Variants in ZNF618 observed in about 807,000 individuals in gnomAD.
The protein encoded by ZNF618 is zinc finger protein 618.
In ZNF618, 34 loss-of-function variants were observed where a neutral mutation model predicts 103.0. The ratio of observed to expected loss-of-function variants is 0.33; its 90% CI spans 0.25 to 0.44. The LOEUF (loss-of-function observed/expected upper bound fraction) is 0.44, where lower values mean the gene tolerates loss of function less well. Among genes scored for constraint, ZNF618 ranks in the 20% least tolerant of loss-of-function variants. ZNF618 has a pLI of 1.00. For synonymous variants in ZNF618, 551 were observed against 542.2 expected (o/e 1.02, Z -0.23); for missense variants, 1,059 against 1,295.4 (o/e 0.82, Z 2.80).
In ZNF618 at chr9:114,049,425, A is replaced by G. The variant is rs1301551869; in HGVS notation, c.2123A>G (p.Tyr708Cys). 4.4e-6 allele frequency: 7 copies of G among 1,604,670 alleles called. No homozygotes were observed. The highest frequency in any genetic ancestry group is 6.0e-6 in the Non-Finnish European group (7 of 1,175,822). Residue 708 changes from tyrosine (Y) to cysteine (C), a missense_variant, in exon 15 of 15, where the codon TAT (tyrosine) becomes TGT (cysteine). This residue lies in a region of ZNF618 where 272 missense variants were observed against 380.1 expected (regional missense o/e 0.72). Transcript: ENST00000374126. Reference protein sequence around the residue: ...TDSLLLVHERYEQICEFYSRA... With the variant: ...TDSLLLVHERCEQICEFYSRA... ...TCACTGTTGCTGGTGCATGAGCGCT[A>G]TGAGCAGATCTGCGAGTTCTACAGC... is the stretch of plus-strand genomic sequence containing the variant.
intron 10 of ZNF618, among the ~76,000 whole-genome samples, chr9:114,022,135 A>G (rs1326723718): frequency 1.3e-5 from 2 of 152,106 alleles, no homozygotes; most frequent in Admixed American, 6.5e-5. Context: ...TGACTGGATC[A>G]TATGGTAGAT....
At chr9:113,934,356 G>A (rs941761709) in intron 1 of ZNF618, among the ~76,000 whole-genome samples, 8 of 152,138 alleles carry the variant, frequency 5.3e-5, no homozygotes, top group Non-Finnish European at 8.8e-5. Flanking sequence ...CCCAGGCCCA[G>A]CCTCAGGTCT....
chr9:113,907,223 C>T lies in ZNF618; in HGVS notation c.33+30810C>T, dbSNP rs147075317. On this transcript the variant is annotated intron_variant, in intron 1 of 14. Transcript: ENST00000374126. ...GGGGGCTGGGGATAGCCCATTGACA[C>T]CACTTAGGTTGTGGGGACCTGAAGG... Among the ~76,000 whole-genome samples, 19 of 152,336 alleles carry T rather than the reference C, an allele frequency of 1.2e-4. No homozygotes were observed. The East Asian group carries it at 3.5e-3, about 28-fold the overall frequency.
At chr9:113,979,180 T>C (rs1838750716) in intron 2 of ZNF618, among the ~76,000 whole-genome samples, 1 of 152,176 alleles carries the variant, frequency 6.6e-6, no homozygotes. Context: ...GGCAGGAGCC[T>C]GTTAGAAGCA....
intron 1 of ZNF618, among the ~76,000 whole-genome samples, chr9:113,960,123 G>A (rs1373643511): frequency 2.0e-5 from 3 of 152,176 alleles, no homozygotes; most frequent in African/African-American, 7.2e-5. Flanking sequence ...AATATGTGCC[G>A]GCGTCTTGCT....
Position 114,017,071 on chromosome 9 carries a change from A to G in ZNF618, c.844+287A>G, listed in dbSNP as rs180819759. Reference sequence around the variant, plus strand: ...TGAGGAGGGTGGACATCACTTGTCCAAGTCCTGCTGTGGCCCTCTTCTAGG... The same window carrying G: ...TGAGGAGGGTGGACATCACTTGTCCGAGTCCTGCTGTGGCCCTCTTCTAGG... On this transcript the variant is annotated intron_variant, in intron 10 of 14. Transcript: ENST00000374126. 1.1e-4 allele frequency among the ~76,000 whole-genome samples: 17 copies of G among 152,282 alleles called. No homozygotes were observed. The East Asian group carries it at 2.3e-3, about 21-fold the overall frequency.
Position 113,938,928 on chromosome 9 carries a change from G to A in ZNF618, c.34-30189G>A, listed in dbSNP as rs142912511. 6.6e-4 allele frequency among the ~76,000 whole-genome samples: 101 copies of A among 151,976 alleles called. No individual in the cohort carries two copies. In the East Asian group the frequency reaches 7.7e-3, roughly 12 times the overall value. Reference sequence around the variant, plus strand: ...ATATGTAGGAAAGCTGTTGACTTGCGAATATTTATCCTGTATCTGGTTACT... The same window carrying A: ...ATATGTAGGAAAGCTGTTGACTTGCAAATATTTATCCTGTATCTGGTTACT... On this transcript the variant is annotated intron_variant, in intron 1 of 14. Coordinates refer to ENST00000374126, the MANE Select transcript of ZNF618 (RefSeq NM_001318042.2).
At position 114,048,853 on chromosome 9, in the gene ZNF618, C is replaced by A. The variant is rs1234341303; in HGVS notation, c.1551C>A (p.Asn517Lys). The A allele has an allele frequency of 6.2e-7, 1 of 1,608,762 alleles. No homozygotes were observed. Residue 517 changes from asparagine to lysine, a missense_variant, in exon 15 of 15, where the codon AAC (asparagine) becomes AAA (lysine). Physicochemically the swap from Asn to Lys is moderately conservative, Grantham distance 94 (BLOSUM62 0). Around this residue, in one of 6 missense-constraint regions of ZNF618, gnomAD observed 434 missense variants for 476.0 expected, o/e 0.91. Coordinates refer to ENST00000374126, the MANE Select transcript of ZNF618 (RefSeq NM_001318042.2). ...TCTCGGTCACTGAAATCCTGGGCAA[C>A]TTCAACACGCTGGCGCTGAAGCACC... ...GAFSVTEILG[N>K]FNTLALKHLP... is the part of the protein sequence containing the mutation.
intron 1 of ZNF618, among the ~76,000 whole-genome samples, chr9:113,893,296 T>C (rs1182186762): frequency 4.6e-5 from 7 of 152,238 alleles, no homozygotes; most frequent in African/African-American, 1.2e-4. Context: ...CTAGGGACTA[T>C]ATAAGTACCT....
chr9:113,951,543 GTACACA>G (rs1424566690), intron 1 of ZNF618, among the ~76,000 whole-genome samples: 1 of 49,288 alleles, frequency 2.0e-5, no homozygotes, highest in African/African-American at 5.9e-5. Context: ...GTGTACATAT[GTACACA>G]TATGTGTGTG....
At chr9:113,916,677 T>G (rs1033561011) in intron 1 of ZNF618, among the ~76,000 whole-genome samples, 2 of 152,154 alleles carry the variant, frequency 1.3e-5, no homozygotes, top group Non-Finnish European at 2.9e-5. Context: ...CTGATGAGCT[T>G]TTGGTCCCTC....
In ZNF618 at chr9:114,049,321, C is replaced by G. The variant is rs777684366; in HGVS notation, c.2019C>G (p.Gly673=). 6.2e-7 allele frequency: 1 copy of G among 1,611,554 alleles called. No individual in the cohort carries two copies. The highest frequency in any genetic ancestry group is 1.7e-5 in the Admixed American group (1 of 59,950). The stretch of plus-strand genomic sequence containing the variant: ...TCAACGTGTGCGAGGACCTGGCGGG[C>G]TCCACGGGCCTGGCCAAGGAGACCT... ...ELLNVCEDLA[G]STGLAKETFG... The change falls in exon 15 of 15, where the codon GGC becomes GGG. Residue 673 remains glycine (G), a synonymous_variant. Transcript: ENST00000374126.
intron 1 of ZNF618, among the ~76,000 whole-genome samples, chr9:113,925,873 G>A (rs1040726233): frequency 3.3e-5 from 5 of 151,896 alleles, no homozygotes; most frequent in South Asian, 4.2e-4. Context: ...GTATCCTGTT[G>A]GTGTTACTAT....
At chr9:114,013,424 AT>A (rs1420165870) in intron 9 of ZNF618, among the ~76,000 whole-genome samples, 2 of 152,106 alleles carry the variant, frequency 1.3e-5, no homozygotes, top group African/African-American at 4.8e-5. Context: ...TGAGGGTTTT[AT>A]TTATTTTTTA....
rs1212097803 is a variant in ZNF618, at chr9:113,879,551, C to T, written c.33+3138C>T. ...GATCTGACCTTGGCCTTGGCTCTCT[C>T]ACCTCCTATTTTAGGTGGACGTGTG... On this transcript the variant is annotated intron_variant, in intron 1 of 14. Coordinates refer to ENST00000374126, the MANE Select transcript of ZNF618 (RefSeq NM_001318042.2). Among the ~76,000 whole-genome samples, 6 of 151,906 alleles carry T rather than the reference C, an allele frequency of 3.9e-5. No individual in the cohort carries two copies. In the East Asian group the frequency reaches 1.2e-3, roughly 29 times the overall value.
intron 3 of ZNF618, among the ~76,000 whole-genome samples, chr9:113,992,823 G>C (rs2133396269): frequency 6.6e-6 from 1 of 152,326 alleles, no homozygotes; most frequent in East Asian, 1.9e-4. Context: ...AGCTTCTCCT[G>C]CTGGAGTCAG....
intron 1 of ZNF618, among the ~76,000 whole-genome samples, chr9:113,939,930 T>G (rs1385880054): frequency 6.6e-6 from 1 of 152,116 alleles, no homozygotes; most frequent in Non-Finnish European, 1.5e-5. Context: ...ATGTTTAATA[T>G]CAAGTGTTTC....
At chr9:114,034,736 G>A (rs1422711191) in intron 12 of ZNF618, among the ~76,000 whole-genome samples, 1 of 152,184 alleles carries the variant, frequency 6.6e-6, no homozygotes, top group Non-Finnish European at 1.5e-5. Context: ...AGGAAGTGAG[G>A]GAGAGATGCC....
intron 1 of ZNF618, among the ~76,000 whole-genome samples, chr9:113,885,742 G>A (rs1829005776): frequency 6.6e-6 from 1 of 152,170 alleles, no homozygotes; most frequent in Non-Finnish European, 1.5e-5. Context: ...CATCGTATGA[G>A]TTAATGGACT....
Sources: gnomAD v4.1 joint callset for allele counts (sites outside exome capture counted in the v4.1 genomes callset) on GRCh38, gnomAD v4.1.1 for gene constraint, gnomAD v4.1.1 regional missense constraint, MANE v1.5 for transcripts, NCBI Gene and HGNC (gene_info 2026-07-23, HGNC 2026-07-21) for gene names.